RIT2: variants seen among roughly 807,000 people sequenced by gnomAD.
The protein encoded by RIT2 is Ras like without CAAX 2.
A neutral mutation model predicts 23.7 loss-of-function variants in RIT2; 24 were observed. That is an observed-to-expected ratio of 1.01 (90% CI 0.73 to 1.43). The LOEUF is 1.43. Ranked by LOEUF, RIT2 falls within the 40% of genes most tolerant of loss-of-function variation. RIT2 has a pLI of 0.00. For synonymous variants in RIT2, 107 were observed against 91.1 expected (o/e 1.17, Z -0.99); for missense variants, 236 against 266.9 (o/e 0.88, Z 0.81).
intron 4 of RIT2, among the ~76,000 whole-genome samples, chr18:42,848,366 G>A (rs1303048520): frequency 6.6e-6 from 1 of 152,156 alleles, no homozygotes; most frequent in East Asian, 1.9e-4. Context: ...TGAAGCCTAA[G>A]TGGTCTTTCT....
intron 3 of RIT2, among the ~76,000 whole-genome samples, chr18:42,953,470 G>T (rs1287988874): frequency 2.0e-5 from 3 of 152,102 alleles, no homozygotes; most frequent in Middle Eastern, 6.3e-3. Context: ...GGAGAACAAA[G>T]AGGACATTAT....
At chr18:43,011,706 A>G (rs561024745) in intron 2 of RIT2, among the ~76,000 whole-genome samples, 4 of 151,908 alleles carry the variant, frequency 2.6e-5, no homozygotes, top group South Asian at 4.1e-4. Context: ...TCCCTCTGTC[A>G]TAAACATCCC....
chr18:42,827,049 AAAAC>A (rs147729058), intron 4 of RIT2, among the ~76,000 whole-genome samples: 10,871 of 152,202 alleles, frequency 0.071, 411 homozygotes, highest in Middle Eastern at 0.092. Flanking sequence ...TTCAATTCTT[AAAAC>A]AAACAAGCAA....
At position 42,923,680 on chromosome 18, in the gene RIT2, T is replaced by C. The variant is rs1909110030; in HGVS notation, c.318A>G (p.Ser106=). 4.3e-6 allele frequency: 7 copies of C among 1,612,974 alleles called. No individual in the cohort carries two copies. The East Asian group carries it at 1.6e-4, about 36-fold the overall frequency. The change falls in exon 4 of 5, where the codon TCA becomes TCG. Residue 106 remains serine, a synonymous_variant. Coordinates refer to ENST00000326695, the MANE Select transcript of RIT2 (RefSeq NM_002930.4). ...IICYSVTDRQ[S]FQEAAKFKEL... ...CTTTAAACTTGGCAGCCTCCTGAAA[T>C]GATTGACGGTCAGTGACGGAGTAGC...
intron 3 of RIT2, among the ~76,000 whole-genome samples, chr18:42,939,955 C>A (rs978448678): frequency 6.6e-6 from 1 of 151,798 alleles, no homozygotes; most frequent in Non-Finnish European, 1.5e-5. Flanking sequence ...ATTTATTTGA[C>A]CATTTCCTAT....
intron 2 of RIT2, among the ~76,000 whole-genome samples, chr18:43,011,330 C>T (rs2144254228): frequency 6.6e-6 from 1 of 151,742 alleles, no homozygotes; most frequent in Non-Finnish European, 1.5e-5. Context: ...ACCAAAGGGG[C>T]CAGCTGTGTT....
At chr18:42,895,907 T>C (rs1908316154) in intron 4 of RIT2, among the ~76,000 whole-genome samples, 1 of 152,216 alleles carries the variant, frequency 6.6e-6, no homozygotes, top group African/African-American at 2.4e-5. Flanking sequence ...TGGTTTTCTC[T>C]GGGATAGAAA....
In RIT2 at chr18:43,115,523, AC is replaced by A; in HGVS notation, c.-5del. On this transcript the variant is annotated 5_prime_UTR_variant, in exon 1 of 5. Transcript: ENST00000326695. ...TGGCTTCATTTTCTACCTCCATCTT[AC>A]CCGAGGGACCGGAGGAAAAAAAGAA... The A allele has an allele frequency of 6.2e-7, 1 of 1,605,814 alleles. No individual in the cohort carries two copies. Among genetic ancestry groups the A allele is most frequent in the Non-Finnish European group, 8.5e-7 (1 of 1,177,792 alleles).
chr18:43,037,209 A>G (rs1425379048), intron 1 of RIT2, among the ~76,000 whole-genome samples: 1 of 152,234 alleles, frequency 6.6e-6, no homozygotes, highest in Non-Finnish European at 1.5e-5. Flanking sequence ...AACGATCAAC[A>G]TGTCCCAAGT....
chr18:42,953,328 T>C (rs903597334), intron 3 of RIT2, among the ~76,000 whole-genome samples: 1 of 152,198 alleles, frequency 6.6e-6, no homozygotes, highest in Admixed American at 6.6e-5. Context: ...ATTGACTTAT[T>C]TTAAAGAAAT....
chr18:43,025,609 A>G (rs1911698497), intron 2 of RIT2, among the ~76,000 whole-genome samples: 1 of 152,122 alleles, frequency 6.6e-6, no homozygotes, highest in African/African-American at 2.4e-5. Context: ...ACATAGATAT[A>G]TATGTCACAC....
chr18:43,059,617 G>A (rs1361532633), intron 1 of RIT2, among the ~76,000 whole-genome samples: 1 of 151,962 alleles, frequency 6.6e-6, no homozygotes. Context: ...TTTAACTGAT[G>A]GACACTGATG....
At chr18:43,003,761 G>GACACACACAC (rs56860348) in intron 2 of RIT2, among the ~76,000 whole-genome samples, 32 of 129,590 alleles carry the variant, frequency 2.5e-4, no homozygotes, top group African/African-American at 8.4e-4. Flanking sequence ...CCTCCTCAGT[G>GACACACACAC]ACACACACAC....
intron 4 of RIT2, among the ~76,000 whole-genome samples, chr18:42,901,405 C>T (rs1260248208): frequency 6.6e-6 from 1 of 151,938 alleles, no homozygotes; most frequent in African/African-American, 2.4e-5. Flanking sequence ...TGGCAAACAT[C>T]ATCTTGACAA....
At chr18:42,835,073 C>T (rs773803472) in intron 4 of RIT2, among the ~76,000 whole-genome samples, 1 of 152,084 alleles carries the variant, frequency 6.6e-6, no homozygotes, top group Non-Finnish European at 1.5e-5. Flanking sequence ...TGTGAAGCTT[C>T]CAGTTACAAT....
chr18:42,870,122 T>C (rs193046777), intron 4 of RIT2, among the ~76,000 whole-genome samples: 9 of 152,362 alleles, frequency 5.9e-5, no homozygotes, highest in African/African-American at 2.2e-4. Context: ...TGTCTTGTTT[T>C]ATGGCCACTC....
chr18:43,099,716 A>G (rs145837506), intron 1 of RIT2, among the ~76,000 whole-genome samples: 97 of 152,230 alleles, frequency 6.4e-4, no homozygotes, highest in African/African-American at 2.2e-3. Context: ...CTTTTGCTGC[A>G]TAACATTAAA....
chr18:42,899,010 G>T (rs1295235362), intron 4 of RIT2, among the ~76,000 whole-genome samples: 1 of 151,960 alleles, frequency 6.6e-6, no homozygotes, highest in Non-Finnish European at 1.5e-5. Context: ...CTTCATTGTG[G>T]TAATTAATAC....
chr18:42,855,892 A>C (rs1014327577), intron 4 of RIT2, among the ~76,000 whole-genome samples: 1 of 152,314 alleles, frequency 6.6e-6, no homozygotes, highest in South Asian at 2.1e-4. Flanking sequence ...CTGAATCATT[A>C]GTGAAATTTT....
Sources: gnomAD v4.1 joint callset for allele counts (sites outside exome capture counted in the v4.1 genomes callset) on GRCh38, gnomAD v4.1.1 for gene constraint, MANE v1.5 for transcripts, NCBI Gene and HGNC (gene_info 2026-07-23, HGNC 2026-07-21) for gene names.